The following ANKRD12 variants were observed in gnomAD, a reference collection of about 807,000 sequenced individuals.
ANKRD12 encodes the protein ankyrin repeat domain-containing protein 12.
Under a neutral mutation model 183.4 loss-of-function variants are expected in ANKRD12, and 85 were observed. The observed-to-expected ratio is 0.46, with a 90% CI of 0.39 to 0.56. ANKRD12 has a LOEUF of 0.56. Among genes scored for constraint, ANKRD12 ranks in the 20% least tolerant of loss-of-function variants. The probability of loss-of-function intolerance (pLI) is 0.00; values close to 1 mark genes in which losing one functional copy is unlikely to be tolerated. For missense variants in ANKRD12, 2,405 were observed against 2,357.1 expected, an observed-to-expected ratio of 1.02 and a Z score of -0.42; for synonymous variants, 914 against 800.2, an observed-to-expected ratio of 1.14 and a Z score of -2.40.
chr18:9,202,440 T>C (rs1467738839), intron 3 of ANKRD12, among the ~76,000 whole-genome samples: 2 of 152,178 alleles, frequency 1.3e-5, no homozygotes, highest in East Asian at 3.9e-4. Context: ...TCACCTTTGG[T>C]GATTTTTTCA....
At chr18:9,187,295 G>A (rs1023219644) in intron 2 of ANKRD12, among the ~76,000 whole-genome samples, 10 of 152,142 alleles carry the variant, frequency 6.6e-5, no homozygotes, top group Non-Finnish European at 1.2e-4. Context: ...ATACACAGCT[G>A]TATTCCTAGC....
chr18:9,171,873 G>A (rs999648179), intron 1 of ANKRD12, among the ~76,000 whole-genome samples: 3 of 151,726 alleles, frequency 2.0e-5, no homozygotes, highest in South Asian at 4.2e-4. Flanking sequence ...TACAAAAATC[G>A]GCTGGGTGTG....
rs1477481846 is a variant in ANKRD12 at position 9,255,176 on chromosome 18, G to T, written c.1909G>T (p.Asp637Tyr). ...TCATAGTCCAACATTTGAAAATTCA[G>T]ATTGCACACTGAAAAAAATGGATAA... The part of the protein sequence containing the change: ...EDHSPTFENS[D>Y]CTLKKMDKEG... The change falls in exon 9 of 13, where the codon GAT (aspartate) becomes TAT (tyrosine). Residue 637 changes from aspartate to tyrosine, a missense_variant. By Grantham distance (160) the Asp-to-Tyr change is radical (BLOSUM62 -3). Transcript: ENST00000262126. 1.3e-6 allele frequency: 2 copies of T among 1,581,938 alleles called. No homozygotes were observed. Among genetic ancestry groups the T allele is most frequent in the Non-Finnish European group, 1.7e-6 (2 of 1,169,966 alleles).
intron 10 of ANKRD12, among the ~76,000 whole-genome samples, chr18:9,271,429 G>T (rs2039598274): frequency 6.6e-6 from 1 of 152,152 alleles, no homozygotes; most frequent in Non-Finnish European, 1.5e-5. Flanking sequence ...TGAGGCAGGA[G>T]AACGGCGTGA....
chr18:9,157,383 A>G (rs772997724), intron 1 of ANKRD12, among the ~76,000 whole-genome samples: 7 of 152,004 alleles, frequency 4.6e-5, no homozygotes, highest in Admixed American at 6.6e-5. Flanking sequence ...CCACATACCA[A>G]TAGCCTAGGA....
intron 1 of ANKRD12, among the ~76,000 whole-genome samples, chr18:9,163,292 A>C (rs1455406206): frequency 6.6e-6 from 1 of 152,162 alleles, no homozygotes; most frequent in Non-Finnish European, 1.5e-5. Flanking sequence ...CCATTTATTA[A>C]ATAGGGAATC....
intron 11 of ANKRD12, among the ~76,000 whole-genome samples, chr18:9,278,327 A>G (rs2039951386): frequency 6.6e-6 from 1 of 152,238 alleles, no homozygotes; most frequent in Admixed American, 6.5e-5. Context: ...GGCTCAGATC[A>G]TCCATTAGTC....
chr18:9,193,028 T>C (rs1377125809), intron 2 of ANKRD12, among the ~76,000 whole-genome samples: 8 of 152,100 alleles, frequency 5.3e-5, no homozygotes, highest in Non-Finnish European at 1.2e-4. Flanking sequence ...TGGTTTTCCC[T>C]TCCTGTCATC....
intron 8 of ANKRD12, among the ~76,000 whole-genome samples, chr18:9,232,588 A>G (rs1345512316): frequency 6.6e-6 from 1 of 152,142 alleles, no homozygotes; most frequent in Non-Finnish European, 1.5e-5. Context: ...TTGGACTATA[A>G]TGTGCTGTGG....
At chr18:9,167,211 G>C (rs1181129169) in intron 1 of ANKRD12, among the ~76,000 whole-genome samples, 1 of 152,020 alleles carries the variant, frequency 6.6e-6, no homozygotes, top group Non-Finnish European at 1.5e-5. Flanking sequence ...CTCTTTTTTG[G>C]TTCCATATGA....
intron 4 of ANKRD12, 83 bp from the exon 5 acceptor site, chr18:9,208,574 C>T: frequency 8.3e-7 from 1 of 1,210,796 alleles, no homozygotes; most frequent in Non-Finnish European, 1.1e-6. Context: ...ATATGTACAG[C>T]ATCTATCAAA....
chr18:9,256,165 T>G lies in ANKRD12; in HGVS notation c.2898T>G (p.Asp966Glu), dbSNP rs1567975351. The G allele has an allele frequency of 6.4e-7, 1 of 1,557,868 alleles. No individual in the cohort carries two copies. The highest frequency in any genetic ancestry group is 2.3e-5 in the Admixed American group (1 of 44,158). The change falls in exon 9 of 13, where the codon GAT becomes GAG. Residue 966 changes from aspartate (D) to glutamate (E), a missense_variant. Physicochemically the swap from Asp to Glu is conservative, Grantham distance 45. Coordinates refer to ENST00000262126, the MANE Select transcript of ANKRD12 (RefSeq NM_015208.5). ...RELDKKEKSR[D>E]KESINITNSK... ...TAGATAAAAAGGAAAAATCTAGAGA[T>G]AAAGAAAGTATAAATATAACTAACT...
At chr18:9,189,689 C>T (rs2034330031) in intron 2 of ANKRD12, among the ~76,000 whole-genome samples, 1 of 152,180 alleles carries the variant, frequency 6.6e-6, no homozygotes, top group Non-Finnish European at 1.5e-5. Flanking sequence ...TGTACCTTAT[C>T]AATGGAAAAA....
intron 10 of ANKRD12, among the ~76,000 whole-genome samples, chr18:9,271,356 T>C (rs2039592822): frequency 6.6e-6 from 1 of 152,138 alleles, no homozygotes; most frequent in Non-Finnish European, 1.5e-5. Context: ...AAACCCCGTC[T>C]CTACTAAAAA....
At chr18:9,222,612 G>A (rs979063167) in intron 8 of ANKRD12, among the ~76,000 whole-genome samples, 2 of 151,886 alleles carry the variant, frequency 1.3e-5, no homozygotes, top group Non-Finnish European at 2.9e-5. Context: ...TTTTACAAAT[G>A]GCTGTTTCCT....
intron 8 of ANKRD12, among the ~76,000 whole-genome samples, chr18:9,250,766 C>T (rs1037436100): frequency 6.6e-6 from 1 of 152,040 alleles, no homozygotes; most frequent in African/African-American, 2.4e-5. Context: ...GGCTGAATTT[C>T]GAAGTTGAGG....
In ANKRD12 at chr18:9,139,607, C is replaced by T. The variant is rs546300632; in HGVS notation, c.-52+2642C>T. ...GTTCATAAGAGGTTTCTACTGCTCT[C>T]TGTATATAGACTTAGTTATGTTAAA... is the stretch of plus-strand genomic sequence containing the variant. On this transcript the variant is annotated intron_variant, in intron 1 of 12. Transcript: ENST00000262126. Among the ~76,000 whole-genome samples the T allele has an allele frequency of 2.6e-4, 39 of 152,268 alleles. No homozygotes were observed. In the East Asian group the frequency reaches 7.1e-3, roughly 28 times the overall value.
chr18:9,210,950 G>GT (rs1185795409), intron 5 of ANKRD12, among the ~76,000 whole-genome samples: 7 of 150,942 alleles, frequency 4.6e-5, no homozygotes, highest in African/African-American at 1.7e-4. Flanking sequence ...ACCAGTTTTT[G>GT]TTTTTTTGTA....
chr18:9,235,982 A>G (rs2037325099), intron 8 of ANKRD12, among the ~76,000 whole-genome samples: 1 of 151,484 alleles, frequency 6.6e-6, no homozygotes, highest in Admixed American at 6.6e-5. Flanking sequence ...AGAAATTTTT[A>G]AGATTATATG....
Sources: allele counts gnomAD v4.1 joint callset (sites outside exome capture counted in the v4.1 genomes callset), GRCh38; gene constraint gnomAD v4.1.1; transcripts MANE v1.5; gene names NCBI Gene and HGNC (gene_info 2026-07-23, HGNC 2026-07-21).